Variants in CTNNA1 observed in about 807,000 individuals in gnomAD.
The protein encoded by CTNNA1 is catenin alpha-1.
CTNNA1 carries 37 observed loss-of-function variants against 98.4 expected under a neutral mutation model. That is an observed-to-expected ratio of 0.38 (90% CI 0.29 to 0.49). The LOEUF is 0.49. CTNNA1 is among the 20% of genes least tolerant of loss of function. The pLI is 0.95. For missense variants in CTNNA1, 761 were observed against 1,147.2 expected, an observed-to-expected ratio of 0.66 and a Z score of 4.86; for synonymous variants, 404 against 413.2, an observed-to-expected ratio of 0.98 and a Z score of 0.27.
At chr5:138,901,231 C>T (rs1476470872) in intron 9 of CTNNA1, among the ~76,000 whole-genome samples, 1 of 152,134 alleles carries the variant, frequency 6.6e-6, no homozygotes, top group African/African-American at 2.4e-5. Context: ...CATCTCAGCT[C>T]ACTTCAACCT....
At chr5:138,894,404 C>G (rs1282841713) in intron 9 of CTNNA1, among the ~76,000 whole-genome samples, 1 of 151,336 alleles carries the variant, frequency 6.6e-6, no homozygotes, top group Admixed American at 6.6e-5. Flanking sequence ...ATCTCAGCCT[C>G]CTGAGTAGCT....
intron 9 of CTNNA1, among the ~76,000 whole-genome samples, chr5:138,894,081 C>G (rs887760576): frequency 2.6e-5 from 4 of 151,450 alleles, no homozygotes; most frequent in African/African-American, 7.3e-5. Context: ...CCCTGCCTGG[C>G]TAATTTTTGT....
chr5:138,806,288 T>G (rs1758073766), intron 3 of CTNNA1, among the ~76,000 whole-genome samples: 1 of 152,154 alleles, frequency 6.6e-6, no homozygotes, highest in African/African-American at 2.4e-5. Context: ...CTTGGTTCTC[T>G]TCATTGTTTC....
chr5:138,908,492 A>AC (rs1759782111), intron 10 of CTNNA1, among the ~76,000 whole-genome samples: 2 of 152,106 alleles, frequency 1.3e-5, no homozygotes, highest in African/African-American at 4.8e-5. Context: ...ACAGAGCGAG[A>AC]CCCCATCTCC....
At chr5:138,908,604 G>A (rs1334432414) in intron 10 of CTNNA1, among the ~76,000 whole-genome samples, 3 of 149,598 alleles carry the variant, frequency 2.0e-5, no homozygotes, top group African/African-American at 7.6e-5. Context: ...GTTCCAGGCT[G>A]CAGTGAGCTG....
At chr5:138,794,128 C>T (rs1361141467) in intron 3 of CTNNA1, among the ~76,000 whole-genome samples, 3 of 151,024 alleles carry the variant, frequency 2.0e-5, no homozygotes, top group Admixed American at 6.6e-5. Context: ...AGTGATTCTC[C>T]TGCCTCAGCC....
chr5:138,887,379 G>C, intron 8 of CTNNA1, 111 bp from the exon 9 acceptor site: 1 of 733,276 alleles, frequency 1.4e-6, no homozygotes, highest in Non-Finnish European at 2.2e-6. Flanking sequence ...TGTAAGTGCA[G>C]CAAGTCTACC....
At chr5:138,775,950 T>A (rs1754082683) in intron 1 of CTNNA1, among the ~76,000 whole-genome samples, 1 of 151,258 alleles carries the variant, frequency 6.6e-6, no homozygotes, top group South Asian at 2.1e-4. Context: ...ATGGTCTCGA[T>A]CTCCTGACCT....
intron 5 of CTNNA1, among the ~76,000 whole-genome samples, chr5:138,819,346 C>G (rs1230874086): frequency 6.6e-6 from 1 of 152,182 alleles, no homozygotes; most frequent in Non-Finnish European, 1.5e-5. Context: ...TTACTCTACT[C>G]TGCAAGGAGA....
At chr5:138,871,911 A>T (rs1351409768) in intron 7 of CTNNA1, 1 of 152,102 alleles carries the variant, frequency 6.6e-6, no homozygotes, top group Non-Finnish European at 1.5e-5. Flanking sequence ...GTTGCTAGCC[A>T]ATTATTTTTA....
chr5:138,789,962 A>G (rs558202064), intron 3 of CTNNA1, among the ~76,000 whole-genome samples: 1 of 152,224 alleles, frequency 6.6e-6, no homozygotes, highest in African/African-American at 2.4e-5. Flanking sequence ...TTGTCTCTTG[A>G]ATTTTCTTCC....
Position 138,873,149 on chromosome 5 carries a change from G to A in CTNNA1, c.1063-13063G>A, listed in dbSNP as rs372604994. The A allele has an allele frequency of 9.9e-6, 16 of 1,613,888 alleles. No individual in the cohort carries two copies. The highest frequency in any genetic ancestry group is 2.7e-5 in the African/African-American group (2 of 74,918). On this transcript the variant is annotated intron_variant, in intron 7 of 17. Transcript: ENST00000302763. This position sits in a 1 kb window ranked among gnomAD's most constrained non-coding sequence, Gnocchi z 6.1. ...TGACATGTTTGACATATGGAGTCGT[G>A]TTTGGGATCGGAGCTGCCTGTGGTT...
At chr5:138,812,065 C>G in intron 4 of CTNNA1, 118 bp from the exon 5 acceptor site, 1 of 826,482 alleles carries the variant, frequency 1.2e-6, no homozygotes, top group Non-Finnish European at 1.9e-6. Context: ...AACTCGAGAG[C>G]TAAGTTTGGG....
intron 9 of CTNNA1, among the ~76,000 whole-genome samples, chr5:138,900,289 C>T (rs571263669): frequency 1.3e-5 from 2 of 152,324 alleles, no homozygotes; most frequent in African/African-American, 4.8e-5. Flanking sequence ...CTTTGGGCTG[C>T]TGCTGCGTTG....
In CTNNA1 at chr5:138,873,751, C is replaced by T. The variant is rs1581382828; in HGVS notation, c.1063-12461C>T. On this transcript the variant is annotated intron_variant, in intron 7 of 17. Coordinates refer to ENST00000302763, the MANE Select transcript of CTNNA1 (RefSeq NM_001903.5). This position sits in a 1 kb window ranked among gnomAD's most constrained non-coding sequence, Gnocchi z 6.1. ...GATTGGGCATCGTTTCAAACACTGT[C>T]AAGTCGATGGCTTTGATTTCATTTC... is the stretch of plus-strand genomic sequence containing the variant. The T allele has an allele frequency of 6.2e-7, 1 of 1,614,000 alleles. No homozygotes were observed. The highest frequency in any genetic ancestry group is 1.3e-5 in the African/African-American group (1 of 75,040).
At chr5:138,804,538 T>C (rs533137323) in intron 3 of CTNNA1, among the ~76,000 whole-genome samples, 5 of 152,350 alleles carry the variant, frequency 3.3e-5, no homozygotes, top group Admixed American at 1.3e-4. Flanking sequence ...TTGTGGCAAA[T>C]GGCGATTTCA....
chr5:138,829,870 T>G (rs1332965621), intron 7 of CTNNA1, among the ~76,000 whole-genome samples: 1 of 151,564 alleles, frequency 6.6e-6, no homozygotes, highest in Admixed American at 6.6e-5. Context: ...GCTAACATGG[T>G]GAAACCCAGT....
chr5:138,886,128 T>C (rs1333228392), intron 7 of CTNNA1, 84 bp from the exon 8 acceptor site: 1 of 1,462,362 alleles, frequency 6.8e-7, no homozygotes, highest in Non-Finnish European at 9.3e-7. Flanking sequence ...TTTTTCAGTG[T>C]TGACATGAGC....
In CTNNA1 at chr5:138,860,989, T is replaced by C. The variant is rs539137817; in HGVS notation, c.1063-25223T>C. ...CCTCCTGGTAAATTACAAGGGAAAA[T>C]AGAGAGGTAGCGCTGTCAAGGCACT... On this transcript the variant is annotated intron_variant, in intron 7 of 17. Transcript: ENST00000302763. Among the ~76,000 whole-genome samples, 29 of 152,124 alleles carry C rather than the reference T, an allele frequency of 1.9e-4. No individual in the cohort carries two copies. The South Asian group carries it at 5.2e-3, about 27-fold the overall frequency.
Sources: allele counts gnomAD v4.1 joint callset (sites outside exome capture counted in the v4.1 genomes callset), GRCh38; gene constraint gnomAD v4.1.1; non-coding constraint Gnocchi (gnomAD v3.1); transcripts MANE v1.5; gene names NCBI Gene and HGNC (gene_info 2026-07-23, HGNC 2026-07-21).